TCF20: variants seen among roughly 807,000 people sequenced by gnomAD.
TCF20 encodes the protein transcription factor 20.
TCF20 carries 3 observed loss-of-function variants against 148.6 expected under a neutral mutation model. That is an observed-to-expected ratio of 0.02 (90% CI 0.01 to 0.05). TCF20 has a LOEUF of 0.05. Among genes scored for constraint, TCF20 ranks in the 10% least tolerant of loss-of-function variants. The pLI, the probability that TCF20 is intolerant of heterozygous loss-of-function variation, is 1.00. For synonymous variants in TCF20, 1,049 were observed against 909.5 expected, an observed-to-expected ratio of 1.15 and a Z score of -2.76; for missense variants, 2,350 against 2,429.3, an observed-to-expected ratio of 0.97 and a Z score of 0.69.
chr22:42,318,340 C>T (rs544511906), intron 1 of TCF20, among the ~76,000 whole-genome samples: 2 of 152,250 alleles, frequency 1.3e-5, no homozygotes, highest in South Asian at 4.1e-4. Flanking sequence ...CCAGCCCCAC[C>T]CCAAAAAGAC....
At chr22:42,168,561 C>T (rs974378748) in intron 5 of TCF20, 48 bp downstream of exon 5, 10 of 1,536,344 alleles carry the variant, frequency 6.5e-6, no homozygotes, top group African/African-American at 2.7e-5. Flanking sequence ...GCAACGACGC[C>T]TGCTGGGAGC....
At chr22:42,165,184 T>A (rs1007693833) in intron 5 of TCF20, among the ~76,000 whole-genome samples, 12 of 152,156 alleles carry the variant, frequency 7.9e-5, no homozygotes, top group Non-Finnish European at 1.2e-4. Context: ...CTGGACCAGT[T>A]TGGGGAAAGG....
chr22:42,341,864 A>C (rs1194045930), intron 1 of TCF20, among the ~76,000 whole-genome samples: 1 of 152,166 alleles, frequency 6.6e-6, no homozygotes, highest in Non-Finnish European at 1.5e-5. Context: ...CCATGGAAAA[A>C]GGCCTTCACT....
intron 1 of TCF20, among the ~76,000 whole-genome samples, chr22:42,217,643 A>C (rs184654860): frequency 6.8e-4 from 104 of 152,338 alleles, no homozygotes; most frequent in Non-Finnish European, 1.2e-3. Flanking sequence ...ACATATTCAG[A>C]GATGGTGCTG....
In TCF20 at chr22:42,163,352, C is replaced by G. The variant is rs563277544; in HGVS notation, c.*45-1994G>C. 3.3e-5 allele frequency among the ~76,000 whole-genome samples: 5 copies of G among 152,326 alleles called. No individual in the cohort carries two copies. The South Asian group carries it at 8.3e-4, about 25-fold the overall frequency. On this transcript the variant is annotated intron_variant, in intron 5 of 5. Coordinates refer to ENST00000677622, the MANE Select transcript of TCF20 (RefSeq NM_001378418.1). ...CAGCCTGGGGCTCTGCCCTCTATAG[C>G]CTTCGTGTTCCTCAGGTCTGATGAC...
chr22:42,279,106 C>G lies in TCF20; in HGVS notation c.-37+4721G>C, dbSNP rs2147014296. 6.6e-6 allele frequency among the ~76,000 whole-genome samples: 1 copy of G among 152,318 alleles called. No homozygotes were observed. Among genetic ancestry groups the G allele is most frequent in the Non-Finnish European group, 1.5e-5 (1 of 68,036 alleles). ...TTCACAAGTTTTGTGTCTCCCCAGC[C>G]TCCTCCCCTAGGGCTCTCTAGGCTT... On this transcript the variant is annotated intron_variant, in intron 1 of 5. Coordinates refer to the TCF20 transcript ENST00000359486. This position sits in a 1 kb window ranked among gnomAD's most constrained non-coding sequence, Gnocchi z 4.3.
At position 42,160,324 on chromosome 22, in the gene TCF20, G is replaced by A. The variant is rs1350449938; in HGVS notation, c.*1079C>T. 4 of 152,622 alleles carry A rather than the reference G, an allele frequency of 2.6e-5. No individual in the cohort carries two copies. Among genetic ancestry groups the A allele is most frequent in the Non-Finnish European group, 5.9e-5 (4 of 68,040 alleles). The allele number at this position is 152,622 out of a possible 1,614,324, so 9.5% of individuals were successfully genotyped here. ...AAAATGAAAGCAAAAAGAAAAAGGG[G>A]TTAAATGGGTGTTCCTGGTCAGCTT... On this transcript the variant is annotated 3_prime_UTR_variant, in exon 6 of 6. Coordinates refer to ENST00000677622, the MANE Select transcript of TCF20 (RefSeq NM_001378418.1).
intron 1 of TCF20, among the ~76,000 whole-genome samples, chr22:42,246,174 T>C (rs763846335): frequency 3.9e-5 from 6 of 152,194 alleles, no homozygotes; most frequent in Non-Finnish European, 4.4e-5. Flanking sequence ...GGTGTGATCT[T>C]GGCTCACTGC....
At position 42,244,809 on chromosome 22, in the gene TCF20, G is replaced by A. The variant is rs541254491; in HGVS notation, c.-37+25530C>T. On this transcript the variant is annotated intron_variant, in intron 1 of 5. Transcript: ENST00000677622. Reference sequence around the variant, plus strand: ...ATTTAAAAAAATCTGGCTGGGCGCAGTGGCTCACACCTGTAATCCCAACAC... The same window carrying A: ...ATTTAAAAAAATCTGGCTGGGCGCAATGGCTCACACCTGTAATCCCAACAC... Among the ~76,000 whole-genome samples, 28 of 152,300 alleles carry A rather than the reference G, an allele frequency of 1.8e-4. 1 individual carries two copies.
Position 42,279,888 on chromosome 22 carries a change from T to C in TCF20, c.-37+3939A>G, listed in dbSNP as rs1329146503. ...GGCTGGATGTGGCTCCCCAGCCCCG[T>C]AGACACCACCCCAGGTGCTCCTCAC... On this transcript the variant is annotated intron_variant, in intron 1 of 5. Coordinates refer to the TCF20 transcript ENST00000359486. The surrounding 1 kb of genome is among the most constrained non-coding windows in gnomAD (Gnocchi z 4.3). Among the ~76,000 whole-genome samples, 2 of 152,184 alleles carry C rather than the reference T, an allele frequency of 1.3e-5. No homozygotes were observed. The highest frequency in any genetic ancestry group is 4.8e-5 in the African/African-American group (2 of 41,454).
At position 42,223,699 on chromosome 22, in the gene TCF20, C is replaced by A. The variant is rs546446246; in HGVS notation, c.-36-8358G>T. Among the ~76,000 whole-genome samples the A allele has an allele frequency of 2.0e-5, 3 of 152,262 alleles. No individual in the cohort carries two copies. In the South Asian group the frequency reaches 6.2e-4, roughly 32 times the overall value. On this transcript the variant is annotated intron_variant, in intron 1 of 5. Transcript: ENST00000677622. ...ATTGGGAAGCATTTTAGAAAGGAAT[C>A]TTGAGGAATCTTGCTAGAATTTAGT...
chr22:42,263,388 C>T (rs978847595), intron 1 of TCF20, among the ~76,000 whole-genome samples: 2 of 152,238 alleles, frequency 1.3e-5, no homozygotes, highest in African/African-American at 2.4e-5. Flanking sequence ...AGTGAACATT[C>T]TCCAGACTCT....
intron 5 of TCF20, among the ~76,000 whole-genome samples, chr22:42,162,860 C>T (rs982312197): frequency 1.5e-4 from 23 of 152,170 alleles, no homozygotes; most frequent in Admixed American, 1.1e-3. Flanking sequence ...TGCTCTTGCC[C>T]AAGGAGGTTC....
intron 1 of TCF20, among the ~76,000 whole-genome samples, chr22:42,258,634 G>C (rs540692991): frequency 6.6e-6 from 1 of 152,184 alleles, no homozygotes; most frequent in African/African-American, 2.4e-5. Flanking sequence ...CAACCATTCT[G>C]CTTCTCACTT....
At chr22:42,311,610 G>A (rs917794942) in intron 1 of TCF20, among the ~76,000 whole-genome samples, 21 of 152,184 alleles carry the variant, frequency 1.4e-4, no homozygotes, top group African/African-American at 4.6e-4. Flanking sequence ...GGGTATGGAC[G>A]GGAATCATGC....
intron 1 of TCF20, among the ~76,000 whole-genome samples, chr22:42,253,306 C>A (rs1925526564): frequency 6.6e-6 from 1 of 152,088 alleles, no homozygotes; most frequent in Non-Finnish European, 1.5e-5. Context: ...TTGAGTTGCA[C>A]TGTCACTGGG....
chr22:42,203,848 G>C (rs751717971), intron 2 of TCF20, among the ~76,000 whole-genome samples: 12 of 152,298 alleles, frequency 7.9e-5, no homozygotes, highest in Admixed American at 2.6e-4. Context: ...AGGTAGGGGT[G>C]GGGGTGAGGT....
rs1928103145 is a variant in TCF20, at chr22:42,338,386, G to A, written c.-37+5093C>T. Among the ~76,000 whole-genome samples, 1 of 152,066 alleles carries A rather than the reference G, an allele frequency of 6.6e-6. No homozygotes were observed. Among genetic ancestry groups the A allele is most frequent in the Admixed American group, 6.5e-5 (1 of 15,272 alleles). ...CTGCATTTTCACGGAGGCCTCAGGG[G>A]GACACAAAGCTTAAATGGCAGCGCA... On this transcript the variant is annotated intron_variant, in intron 1 of 1. Transcript: ENST00000515426. The surrounding 1 kb of genome is among the most constrained non-coding windows in gnomAD (Gnocchi z 4.0).
intron 1 of TCF20, among the ~76,000 whole-genome samples, chr22:42,289,396 G>C (rs984724616): frequency 2.0e-5 from 3 of 152,116 alleles, no homozygotes; most frequent in African/African-American, 7.2e-5. Flanking sequence ...CTGAACTCAG[G>C]TTCTTAGTAG....
Sources: gnomAD v4.1 joint callset for allele counts (sites outside exome capture counted in the v4.1 genomes callset) on GRCh38, gnomAD v4.1.1 for gene constraint, Gnocchi (gnomAD v3.1) non-coding constraint, MANE v1.5 for transcripts, NCBI Gene and HGNC (gene_info 2026-07-23, HGNC 2026-07-21) for gene names.